Variants in IL33 observed in about 807,000 individuals in gnomAD.
IL33 encodes the protein interleukin 33.
In IL33, 37 loss-of-function variants were observed where a neutral mutation model predicts 27.3. The observed-to-expected ratio is 1.36, with a 90% CI of 1.04 to 1.78. The LOEUF is 1.78. Among genes scored for constraint, IL33 ranks in the 40% most tolerant of loss-of-function variants. The pLI is 0.00. For missense variants in IL33, 406 were observed against 311.4 expected, an observed-to-expected ratio of 1.30 and a Z score of -2.29; for synonymous variants, 132 against 102.9, an observed-to-expected ratio of 1.28 and a Z score of -1.71.
chr9:6,251,638 A>T (rs1041260793), intron 4 of IL33, among the ~76,000 whole-genome samples: 17 of 152,148 alleles, frequency 1.1e-4, no homozygotes, highest in Admixed American at 2.0e-4. Context: ...TATAATTCTA[A>T]CACTTTATAC....
At chr9:6,218,843 A>C (rs1175607387) in intron 1 of IL33, among the ~76,000 whole-genome samples, 2 of 107,734 alleles carry the variant, frequency 1.9e-5, no homozygotes, top group Admixed American at 1.8e-4. Flanking sequence ...TATGTTCTCC[A>C]TATATATATA....
chr9:6,245,871 G>A (rs1004307151), intron 2 of IL33, among the ~76,000 whole-genome samples: 1 of 151,726 alleles, frequency 6.6e-6, no homozygotes, highest in Non-Finnish European at 1.5e-5. Flanking sequence ...GATCATCCTG[G>A]TTAACACGGT....
chr9:6,249,708 C>A (rs898326141), intron 2 of IL33, among the ~76,000 whole-genome samples: 3 of 152,148 alleles, frequency 2.0e-5, no homozygotes, highest in Non-Finnish European at 2.9e-5. Context: ...ACACTTCAGT[C>A]ACAACTTCTC....
chr9:6,253,755 G>C (rs942121753), intron 6 of IL33, among the ~76,000 whole-genome samples, 153 bp downstream of exon 6: 2 of 152,160 alleles, frequency 1.3e-5, no homozygotes, highest in Non-Finnish European at 2.9e-5. Context: ...GATTCTCAGA[G>C]GATGCATTCT....
chr9:6,237,557 T>A (rs1404628801), intron 1 of IL33, among the ~76,000 whole-genome samples: 1 of 152,162 alleles, frequency 6.6e-6, no homozygotes, highest in East Asian at 1.9e-4. Context: ...ATGAGGGTGA[T>A]AAGACGGGAG....
chr9:6,217,882 G>A (rs1184173422), intron 1 of IL33, among the ~76,000 whole-genome samples: 2 of 146,868 alleles, frequency 1.4e-5, no homozygotes, highest in African/African-American at 2.4e-5. Flanking sequence ...GCAAAGACCC[G>A]TATTTCCTCC....
chr9:6,253,125 T>C, intron 5 of IL33, 134 bp downstream of exon 5: 1 of 603,886 alleles, frequency 1.7e-6, no homozygotes, highest in South Asian at 2.7e-5. Flanking sequence ...CTAACTCTAA[T>C]GCATTGGCAG....
At chr9:6,248,101 T>G (rs1428083196) in intron 2 of IL33, among the ~76,000 whole-genome samples, 2 of 152,152 alleles carry the variant, frequency 1.3e-5, no homozygotes, top group Admixed American at 1.3e-4. Flanking sequence ...TTCTTTCAGT[T>G]ATCATATTAT....
At chr9:6,217,158 A>G (rs1012136104) in intron 1 of IL33, among the ~76,000 whole-genome samples, 1 of 152,086 alleles carries the variant, frequency 6.6e-6, no homozygotes, top group Non-Finnish European at 1.5e-5. Flanking sequence ...CAGAGTAGTC[A>G]CTGGTCATCA....
chr9:6,227,217 T>C (rs967114290), intron 1 of IL33, among the ~76,000 whole-genome samples: 2 of 152,242 alleles, frequency 1.3e-5, no homozygotes, highest in African/African-American at 2.4e-5. Flanking sequence ...TCCAGGTTTA[T>C]GCAGCAGTTT....
chr9:6,256,202 C>A lies in IL33; in HGVS notation c.*34C>A. 7.0e-7 allele frequency: 1 copy of A among 1,437,432 alleles called. No individual in the cohort carries two copies. The highest frequency in any genetic ancestry group is 1.4e-5 in the African/African-American group (1 of 71,190). The allele number at this position is 1,437,432 out of a possible 1,614,324, so 89.0% of individuals were successfully genotyped here. A position where few individuals can be genotyped will look rare whatever the true frequency, so the allele number is the denominator to read the frequency against. The stretch of plus-strand genomic sequence containing the variant: ...AACCTGTGAGTCTTGGGTTGAGTAC[C>A]CAAATGCTACCACTGGAGAAGGAAT... On this transcript the variant is annotated 3_prime_UTR_variant, in exon 8 of 8. Transcript: ENST00000682010.
chr9:6,227,907 C>T (rs187668475), intron 1 of IL33, among the ~76,000 whole-genome samples: 5 of 152,182 alleles, frequency 3.3e-5, no homozygotes, highest in East Asian at 1.9e-4. Flanking sequence ...TGGAATGCAA[C>T]GGATTTGGAT....
At chr9:6,233,942 A>C (rs1302347043) in intron 1 of IL33, among the ~76,000 whole-genome samples, 2 of 152,160 alleles carry the variant, frequency 1.3e-5, no homozygotes, top group African/African-American at 2.4e-5. Flanking sequence ...CCATACTTAA[A>C]TGACTCCTCC....
At position 6,243,233 on chromosome 9, in the gene IL33, A is replaced by G. The variant is rs1376726090; in HGVS notation, c.91+1448A>G. Among the ~76,000 whole-genome samples the G allele has an allele frequency of 2.6e-5, 4 of 152,192 alleles. No individual in the cohort carries two copies. In the East Asian group the frequency reaches 7.7e-4, roughly 29 times the overall value. On this transcript the variant is annotated intron_variant, in intron 2 of 7. Transcript: ENST00000682010. Reference sequence around the variant, plus strand: ...CAAGTCTATCTAGCTGCAAACTCAGAGTTTGTAGTAAGACAGAAGGTAAGT... The same window carrying G: ...CAAGTCTATCTAGCTGCAAACTCAGGGTTTGTAGTAAGACAGAAGGTAAGT...
At chr9:6,247,861 C>G (rs1168225322) in intron 2 of IL33, among the ~76,000 whole-genome samples, 1 of 151,902 alleles carries the variant, frequency 6.6e-6, no homozygotes, top group Non-Finnish European at 1.5e-5. Context: ...CATCCTTGAA[C>G]TATAACCAGT....
intron 2 of IL33, among the ~76,000 whole-genome samples, chr9:6,245,484 T>G (rs1819781236): frequency 6.6e-6 from 1 of 152,156 alleles, no homozygotes; most frequent in Admixed American, 6.5e-5. Context: ...AACTGAGGAA[T>G]GATAAAATAT....
rs963898546 is a variant in IL33 at position 6,254,391 on chromosome 9, G to A, written c.521-71G>A. ...GTAACATCTTAGACTTTTTTCCTGG[G>A]TGTTGAATTCATTTAAATAAAGATG... On this transcript the variant is annotated intron_variant, in intron 6 of 7. Transcript: ENST00000682010. 8.7e-6 allele frequency: 8 copies of A among 919,688 alleles called. No individual in the cohort carries two copies. The Admixed American group carries it at 1.1e-4, about 12-fold the overall frequency. The allele number at this position is 919,688 out of a possible 1,614,324, so 57.0% of individuals were successfully genotyped here. A position where few individuals can be genotyped will look rare whatever the true frequency, so the allele number is the denominator to read the frequency against.
At chr9:6,229,794 G>A (rs1818835534) in intron 1 of IL33, among the ~76,000 whole-genome samples, 2 of 152,166 alleles carry the variant, frequency 1.3e-5, no homozygotes, top group Admixed American at 1.3e-4. Context: ...TAGCAGTGGA[G>A]GAGGTAGGAA....
At chr9:6,228,621 C>T (rs1028080485) in intron 1 of IL33, among the ~76,000 whole-genome samples, 1 of 151,736 alleles carries the variant, frequency 6.6e-6, no homozygotes, top group African/African-American at 2.4e-5. Flanking sequence ...CTCTGGGAAG[C>T]CAAGGTGGAA....
Sources: allele counts gnomAD v4.1 joint callset (sites outside exome capture counted in the v4.1 genomes callset), GRCh38; gene constraint gnomAD v4.1.1; transcripts MANE v1.5; gene names NCBI Gene and HGNC (gene_info 2026-07-23, HGNC 2026-07-21).